Variants in GNPTAB observed in about 807,000 individuals in gnomAD.
The protein encoded by GNPTAB is N-acetylglucosamine-1-phosphotransferase subunits alpha/beta.
In GNPTAB, 92 loss-of-function variants were observed where a neutral mutation model predicts 136.6. That is an observed-to-expected ratio of 0.67 (90% CI 0.57 to 0.80). The LOEUF (loss-of-function observed/expected upper bound fraction) is 0.80, where lower values mean the gene tolerates loss of function less well. Ranked by LOEUF, GNPTAB falls within the 30% of genes least tolerant of loss-of-function variation. The pLI is 0.00. For synonymous variants in GNPTAB, 512 were observed against 535.1 expected, an observed-to-expected ratio of 0.96 and a Z score of 0.60; for missense variants, 1,343 against 1,501.8, an observed-to-expected ratio of 0.89 and a Z score of 1.75.
intron 1 of GNPTAB, among the ~76,000 whole-genome samples, chr12:101,802,568 GA>G: frequency 1.3e-5 from 2 of 151,658 alleles, no homozygotes; most frequent in South Asian, 4.2e-4. Context: ...CAAAGGCATA[GA>G]AGGAAAAAAA....
chr12:101,761,932 G>T (rs1221674850), intron 13 of GNPTAB, among the ~76,000 whole-genome samples, 169 bp from the exon 14 acceptor site: 1 of 152,164 alleles, frequency 6.6e-6, no homozygotes, highest in African/African-American at 2.4e-5. Flanking sequence ...GACTTAGCAG[G>T]ACTCAACTGG....
intron 1 of GNPTAB, among the ~76,000 whole-genome samples, chr12:101,806,055 A>C (rs1198941891): frequency 1.3e-5 from 2 of 152,232 alleles, no homozygotes; most frequent in Admixed American, 1.3e-4. Context: ...TTTCTCAGTC[A>C]ATAAATATTA....
intron 1 of GNPTAB, among the ~76,000 whole-genome samples, chr12:101,808,303 A>G (rs1335710658): frequency 6.6e-6 from 1 of 151,868 alleles, no homozygotes; most frequent in Non-Finnish European, 1.5e-5. Context: ...TTATGCCTGT[A>G]ATCCCATCAC....
chr12:101,755,244 TG>T (rs1952884821), intron 18 of GNPTAB, among the ~76,000 whole-genome samples: 1 of 151,994 alleles, frequency 6.6e-6, no homozygotes, highest in Non-Finnish European at 1.5e-5. Flanking sequence ...CAAATAGAAA[TG>T]GAAGTAAATA....
intron 5 of GNPTAB, among the ~76,000 whole-genome samples, chr12:101,781,266 A>G (rs1953339367): frequency 6.6e-6 from 1 of 152,194 alleles, no homozygotes; most frequent in Non-Finnish European, 1.5e-5. Flanking sequence ...AAAACAAAAG[A>G]GAGGTCAGAA....
chr12:101,808,266 T>C (rs1262377780), intron 1 of GNPTAB, among the ~76,000 whole-genome samples: 1 of 151,398 alleles, frequency 6.6e-6, no homozygotes, highest in African/African-American at 2.4e-5. Flanking sequence ...AAACTGACTC[T>C]AAAGTTACAT....
rs769824827 is a variant in GNPTAB, at chr12:101,770,441, G to A, written c.1078C>T (p.Leu360Phe). 5.6e-6 allele frequency: 9 copies of A among 1,613,830 alleles called. No individual in the cohort carries two copies. The highest frequency in any genetic ancestry group is 7.6e-6 in the Non-Finnish European group (9 of 1,179,710). ...ACTATTGTCACTCGAGGATTGTCAA[G>A]GTTCAGCCAGGATGGAATCTGCCCG... ...TNGQIPSWLNLDNPRVTIVTH... is the reference protein window; with the variant it reads ...TNGQIPSWLNFDNPRVTIVTH... The change falls in exon 9 of 21, where the codon CTT (leucine) becomes TTT (phenylalanine). Residue 360 changes from leucine (L) to phenylalanine (F), a missense_variant. Physicochemically the swap from Leu to Phe is conservative, Grantham distance 22. Coordinates refer to ENST00000299314, the MANE Select transcript of GNPTAB (RefSeq NM_024312.5).
At chr12:101,766,046 G>T in intron 12 of GNPTAB, 45 bp downstream of exon 12, 1 of 1,504,134 alleles carries the variant, frequency 6.6e-7, no homozygotes, top group Non-Finnish European at 9.2e-7. Flanking sequence ...TACCTGTCAA[G>T]GATGTTTTAT....
Position 101,747,154 on chromosome 12 carries a change from T to TG in GNPTAB, c.*9dup, listed in dbSNP as rs1238720370. On this transcript the variant is annotated 3_prime_UTR_variant, in exon 21 of 21. Transcript: ENST00000299314. Reference sequence around the variant, plus strand: ...AATGCTGAGGTAGATGGTTTTCAAATGAAGATCTTCTATACTCTGATTCGA... The same window carrying TG: ...AATGCTGAGGTAGATGGTTTTCAAATGGAAGATCTTCTATACTCTGATTCGA... 6.8e-7 allele frequency: 1 copy of TG among 1,480,340 alleles called. No individual in the cohort carries two copies. The highest frequency in any genetic ancestry group is 9.4e-7 in the Non-Finnish European group (1 of 1,058,218). The allele number at this position is 1,480,340 out of a possible 1,614,324, so 91.7% of individuals were successfully genotyped here.
intron 1 of GNPTAB, among the ~76,000 whole-genome samples, chr12:101,829,781 G>A (rs2137196488): frequency 1.3e-5 from 2 of 152,140 alleles, no homozygotes; most frequent in South Asian, 4.1e-4. Flanking sequence ...AAAAGTACAT[G>A]CTCAGAATTC....
intron 19 of GNPTAB, among the ~76,000 whole-genome samples, chr12:101,751,722 T>C (rs1381869653): frequency 2.6e-5 from 4 of 152,112 alleles, no homozygotes; most frequent in African/African-American, 9.7e-5. Flanking sequence ...TTGTAGAGAG[T>C]AAATATCTTG....
At chr12:101,770,631 T>C in intron 8 of GNPTAB, 46 bp from the exon 9 acceptor site, 1 of 1,301,034 alleles carries the variant, frequency 7.7e-7, no homozygotes, top group Non-Finnish European at 1.1e-6. Context: ...ACCCCTTAAG[T>C]CATACCTCCT....
At position 101,798,692 on chromosome 12, in the gene GNPTAB, G is replaced by T. The variant is rs191957820; in HGVS notation, c.118-1930C>A. Among the ~76,000 whole-genome samples the T allele has an allele frequency of 1.9e-3, 291 of 152,214 alleles. 6 individuals are homozygous for T. Among genetic ancestry groups the T allele is most frequent in the African/African-American group, 6.8e-3 (281 of 41,536 alleles). Reference sequence around the variant, plus strand: ...GTATATACTGTACTAAAATAATTTTGTACCCATCTCCTGTTACTATTGCAG... The same window carrying T: ...GTATATACTGTACTAAAATAATTTTTTACCCATCTCCTGTTACTATTGCAG... On this transcript the variant is annotated intron_variant, in intron 1 of 20. Coordinates refer to ENST00000299314, the MANE Select transcript of GNPTAB (RefSeq NM_024312.5).
chr12:101,820,261 C>T (rs1870725247), intron 1 of GNPTAB, among the ~76,000 whole-genome samples: 1 of 152,304 alleles, frequency 6.6e-6, no homozygotes, highest in African/African-American at 2.4e-5. Flanking sequence ...GTAGGGTCTG[C>T]GAGAGCAAAT....
At chr12:101,827,767 C>A (rs1453829042) in intron 1 of GNPTAB, among the ~76,000 whole-genome samples, 4 of 152,126 alleles carry the variant, frequency 2.6e-5, no homozygotes, top group African/African-American at 7.2e-5. Flanking sequence ...GAGTTTGAGA[C>A]CAGCCTGGCC....
intron 1 of GNPTAB, among the ~76,000 whole-genome samples, chr12:101,813,584 T>C (rs549928449): frequency 6.7e-6 from 1 of 150,160 alleles, no homozygotes; most frequent in East Asian, 2.0e-4. Context: ...CAGTGGCTTA[T>C]ATTTGTATTT....
intron 1 of GNPTAB, among the ~76,000 whole-genome samples, chr12:101,809,122 T>C (rs1006857194): frequency 8.6e-5 from 13 of 151,714 alleles, no homozygotes; most frequent in Non-Finnish European, 1.5e-4. Context: ...AAAAACTGGG[T>C]AAAAAAATCT....
At chr12:101,801,475 A>C (rs2137164728) in intron 1 of GNPTAB, among the ~76,000 whole-genome samples, 1 of 129,168 alleles carries the variant, frequency 7.7e-6, no homozygotes, top group African/African-American at 2.9e-5. Flanking sequence ...AGGAGGTGGA[A>C]GTTGCAGTGA....
chr12:101,763,178 C>T (rs1208128741), intron 13 of GNPTAB, among the ~76,000 whole-genome samples: 4 of 148,654 alleles, frequency 2.7e-5, no homozygotes, highest in Admixed American at 2.0e-4. Context: ...GCCGAGATCA[C>T]GCCATTGCAC....
Sources: gnomAD v4.1 joint callset for allele counts (sites outside exome capture counted in the v4.1 genomes callset) on GRCh38, gnomAD v4.1.1 for gene constraint, MANE v1.5 for transcripts, NCBI Gene and HGNC (gene_info 2026-07-23, HGNC 2026-07-21) for gene names.